TSPEAR: variants seen among roughly 807,000 people sequenced by gnomAD.
TSPEAR encodes thrombospondin-type laminin G domain and EAR repeat-containing protein.
A neutral mutation model predicts 71.6 loss-of-function variants in TSPEAR; 69 were observed. That is an observed-to-expected ratio of 0.96 (90% CI 0.79 to 1.18). The LOEUF (loss-of-function observed/expected upper bound fraction) is 1.18. Among genes scored for constraint, TSPEAR ranks in the 50% most tolerant of loss-of-function variants. The pLI, the probability that TSPEAR is intolerant of heterozygous loss-of-function variation, is 0.00. For synonymous variants in TSPEAR, 402 were observed against 387.2 expected, an observed-to-expected ratio of 1.04 and a Z score of -0.45; for missense variants, 971 against 894.9, an observed-to-expected ratio of 1.09 and a Z score of -1.09.
At chr21:44,703,450 TGA>T (rs1265113079) in intron 1 of TSPEAR, among the ~76,000 whole-genome samples, 1 of 152,126 alleles carries the variant, frequency 6.6e-6, no homozygotes, top group Non-Finnish European at 1.5e-5. Context: ...CTGTCCCTGG[TGA>T]GTTTGAGGAA....
At chr21:44,621,010 T>G (rs146542061) in intron 1 of TSPEAR, among the ~76,000 whole-genome samples, 13 of 152,324 alleles carry the variant, frequency 8.5e-5, no homozygotes, top group African/African-American at 3.1e-4. Flanking sequence ...TCCATTGTAA[T>G]CAGAGAAGAT....
intron 1 of TSPEAR, among the ~76,000 whole-genome samples, chr21:44,655,238 TCTGCA>T (rs10580785): frequency 0.77 from 115,957 of 151,380 alleles, 44,836 homozygotes; most frequent in African/African-American, 0.89. Context: ...TGGGTGCGTG[TCTGCA>T]CCACTGCAGA....
chr21:44,502,073 A>G (rs2052042110), intron 11 of TSPEAR, among the ~76,000 whole-genome samples: 1 of 152,234 alleles, frequency 6.6e-6, no homozygotes, highest in Admixed American at 6.5e-5. Flanking sequence ...ATCATCACCA[A>G]GTGGCATCGG....
At chr21:44,598,159 G>T (rs1176948387) in intron 1 of TSPEAR, among the ~76,000 whole-genome samples, 1 of 152,040 alleles carries the variant, frequency 6.6e-6, no homozygotes, top group Admixed American at 6.5e-5. Context: ...GCACCAGCTC[G>T]CATTCCGTTC....
At chr21:44,606,986 A>C (rs75389565) in intron 1 of TSPEAR, among the ~76,000 whole-genome samples, 3,300 of 152,346 alleles carry the variant, frequency 0.022, 119 homozygotes, top group African/African-American at 0.076. Flanking sequence ...AATGTGTTGC[A>C]TACTTCAAAA....
At chr21:44,537,804 CA>C (rs2053114220) in intron 2 of TSPEAR, among the ~76,000 whole-genome samples, 1 of 152,162 alleles carries the variant, frequency 6.6e-6, no homozygotes, top group Admixed American at 6.5e-5. Flanking sequence ...CCTAAATCCA[CA>C]AGAAAAACAC....
rs188329991 is a variant in TSPEAR at position 44,614,357 on chromosome 21, G to A, written c.83-46352C>T. On this transcript the variant is annotated intron_variant, in intron 1 of 11. Transcript: ENST00000323084. ...ACAGCGCCCAGAGACACGACCAGTA[G>A]TCACTGTGGCTGGAGGGAGCCCGGC... Among the ~76,000 whole-genome samples the A allele has an allele frequency of 2.8e-3, 433 of 152,382 alleles. 4 individuals are homozygous for A. The highest frequency in any genetic ancestry group is 1.0e-2 in the African/African-American group (414 of 41,596).
At chr21:44,601,237 C>T in intron 1 of TSPEAR, 1 of 1,601,404 alleles carries the variant, frequency 6.2e-7, no homozygotes, top group Non-Finnish European at 8.5e-7. Context: ...CTCCTGCACG[C>T]CCTCGTGCTG....
intron 2 of TSPEAR, among the ~76,000 whole-genome samples, chr21:44,566,835 C>A (rs2053709584): frequency 6.6e-6 from 1 of 152,070 alleles, no homozygotes; most frequent in African/African-American, 2.4e-5. Flanking sequence ...AATTGACCCC[C>A]TACCTCACAC....
At chr21:44,563,589 A>G (rs1381880788) in intron 2 of TSPEAR, among the ~76,000 whole-genome samples, 1 of 50,050 alleles carries the variant, frequency 2.0e-5, no homozygotes, top group Non-Finnish European at 6.8e-5. Flanking sequence ...CAGTGGTGAC[A>G]AAAAAAACCC....
rs781853523 is a variant in TSPEAR at position 44,558,356 on chromosome 21, G to A, written c.303+9429C>T. On this transcript the variant is annotated intron_variant, in intron 2 of 11. Transcript: ENST00000323084. The stretch of plus-strand genomic sequence containing the variant: ...AGACGGGCACACAGCAGATGGGCTT[G>A]CAGCAGACAGGCTTGCAGCAGACGG... The A allele has an allele frequency of 9.3e-6, 15 of 1,612,714 alleles. No individual in the cohort carries two copies. The African/African-American group carries it at 2.0e-4, about 22-fold the overall frequency.
rs74947706 is a variant in TSPEAR at position 44,502,441 on chromosome 21, G to A, written c.1856+2339C>T. Among the ~76,000 whole-genome samples the A allele has an allele frequency of 5.1e-3, 775 of 152,320 alleles. 10 individuals carry two copies. Among genetic ancestry groups the A allele is most frequent in the African/African-American group, 0.018 (741 of 41,570 alleles). ...TATTAGAACTGATTGGTTAGGGGGC[G>A]AGAAAATGATTGTCATGATGAGCAG... On this transcript the variant is annotated intron_variant, in intron 11 of 11. Coordinates refer to ENST00000323084, the MANE Select transcript of TSPEAR (RefSeq NM_144991.3).
chr21:44,603,714 C>G (rs1266405874), intron 1 of TSPEAR, among the ~76,000 whole-genome samples: 1 of 152,212 alleles, frequency 6.6e-6, no homozygotes, highest in Non-Finnish European at 1.5e-5. Flanking sequence ...CCATTCTCAG[C>G]CGCACCACAG....
At chr21:44,595,787 G>C (rs1468259475) in intron 1 of TSPEAR, among the ~76,000 whole-genome samples, 1 of 152,100 alleles carries the variant, frequency 6.6e-6, no homozygotes, top group Admixed American at 6.5e-5. Flanking sequence ...TACATATAAT[G>C]CCTCTGTACA....
rs1194222231 is a variant in TSPEAR at position 44,623,815 on chromosome 21, C to T, written c.83-55810G>A. 1.3e-5 allele frequency among the ~76,000 whole-genome samples: 2 copies of T among 151,560 alleles called. No homozygotes were observed. The highest frequency in any genetic ancestry group is 2.9e-5 in the Non-Finnish European group (2 of 67,844). On this transcript the variant is annotated intron_variant, in intron 1 of 11. Coordinates refer to ENST00000323084, the MANE Select transcript of TSPEAR (RefSeq NM_144991.3). This position sits in a 1 kb window ranked among gnomAD's most constrained non-coding sequence, Gnocchi z 4.5. ...TGTTGCTTCTTTAAAGGTAATATTTCTTTTTTTTTCCCTTGGCTGTTTTTA... is the reference window on the plus strand; with the variant it reads ...TGTTGCTTCTTTAAAGGTAATATTTTTTTTTTTTTCCCTTGGCTGTTTTTA...
chr21:44,554,343 A>C (rs2053492826), intron 2 of TSPEAR, among the ~76,000 whole-genome samples: 1 of 152,208 alleles, frequency 6.6e-6, no homozygotes, highest in Admixed American at 6.5e-5. Flanking sequence ...AACTGGGAGA[A>C]AGAAATGCCT....
intron 1 of TSPEAR, among the ~76,000 whole-genome samples, chr21:44,622,495 C>T (rs1197119764): frequency 1.3e-5 from 2 of 152,188 alleles, no homozygotes; most frequent in Non-Finnish European, 1.5e-5. Context: ...TGAAGATATC[C>T]ACAGGGCCAT....
intron 1 of TSPEAR, among the ~76,000 whole-genome samples, chr21:44,594,694 G>C (rs1980239842): frequency 6.6e-6 from 1 of 152,128 alleles, no homozygotes; most frequent in Non-Finnish European, 1.5e-5. Flanking sequence ...TCCTGCCCCA[G>C]CCCCTCCTCC....
intron 1 of TSPEAR, chr21:44,702,792 C>T: frequency 7.9e-7 from 1 of 1,262,462 alleles, no homozygotes; most frequent in Non-Finnish European, 1.1e-6. Context: ...GCCAGAAGCC[C>T]AGCTACTGAC....
Sources: gnomAD v4.1 joint callset for allele counts (sites outside exome capture counted in the v4.1 genomes callset) on GRCh38, gnomAD v4.1.1 for gene constraint, Gnocchi (gnomAD v3.1) non-coding constraint, MANE v1.5 for transcripts, NCBI Gene and HGNC (gene_info 2026-07-23, HGNC 2026-07-21) for gene names.